CHMP4C: variants seen among roughly 807,000 people sequenced by gnomAD.
CHMP4C encodes SNF7 homolog associated with Alix 3.
A neutral mutation model predicts 29.0 loss-of-function variants in CHMP4C; 28 were observed. That is an observed-to-expected ratio of 0.97 (90% confidence interval 0.72 to 1.32). The LOEUF is 1.32. CHMP4C is among the 40% of genes most tolerant of loss of function. The pLI, the probability that CHMP4C is intolerant of heterozygous loss-of-function variation, is 0.00. For missense variants in CHMP4C, 291 were observed against 281.0 expected, an observed-to-expected ratio of 1.04 and a Z score of -0.25; for synonymous variants, 106 against 102.4, an observed-to-expected ratio of 1.04 and a Z score of -0.21.
chr8:81,740,375 G>T (rs564014284), intron 1 of CHMP4C, among the ~76,000 whole-genome samples: 1 of 152,288 alleles, frequency 6.6e-6, no homozygotes, highest in South Asian at 2.1e-4. Context: ...CTAGATCCTC[G>T]CATGCTCAGT....
chr8:81,739,436 A>C (rs1489121253), intron 1 of CHMP4C, among the ~76,000 whole-genome samples: 6 of 150,086 alleles, frequency 4.0e-5, no homozygotes, highest in Non-Finnish European at 8.9e-5. Context: ...GGTGGAAAAA[A>C]AAAAAGTCTT....
chr8:81,751,660 A>G (rs188861506), intron 1 of CHMP4C, among the ~76,000 whole-genome samples: 12 of 152,240 alleles, frequency 7.9e-5, no homozygotes, highest in African/African-American at 2.6e-4. Flanking sequence ...GAAAGAGAAC[A>G]AAAAGCATAA....
intron 1 of CHMP4C, among the ~76,000 whole-genome samples, chr8:81,740,451 C>T (rs1228153200): frequency 1.3e-5 from 2 of 152,174 alleles, no homozygotes; most frequent in Non-Finnish European, 2.9e-5. Flanking sequence ...AGATGGCGCT[C>T]AGGTGGTAAG....
chr8:81,741,933 A>G (rs2130479907), intron 1 of CHMP4C, among the ~76,000 whole-genome samples: 1 of 152,350 alleles, frequency 6.6e-6, no homozygotes, highest in African/African-American at 2.4e-5. Flanking sequence ...TCTGAATTAA[A>G]TATGAAACAT....
chr8:81,757,830 T>C (rs1048159053), intron 3 of CHMP4C, among the ~76,000 whole-genome samples: 1 of 152,158 alleles, frequency 6.6e-6, no homozygotes, highest in African/African-American at 2.4e-5. Context: ...AAAGAACACA[T>C]TGGAAAGATG....
At chr8:81,742,664 T>C (rs908032849) in intron 1 of CHMP4C, among the ~76,000 whole-genome samples, 1 of 152,222 alleles carries the variant, frequency 6.6e-6, no homozygotes, top group African/African-American at 2.4e-5. Flanking sequence ...CCTTGCTCAC[T>C]TAGCAGTGCT....
intron 3 of CHMP4C, 70 bp downstream of exon 3, chr8:81,755,554 A>G: frequency 1.2e-6 from 1 of 812,646 alleles, no homozygotes; most frequent in Non-Finnish European, 2.1e-6. Context: ...CATATATAGT[A>G]GGCATGTTCC....
At chr8:81,755,123 TA>T (rs1159554132) in intron 2 of CHMP4C, among the ~76,000 whole-genome samples, 1 of 152,168 alleles carries the variant, frequency 6.6e-6, no homozygotes, top group Admixed American at 6.6e-5. Context: ...GTGATAGTTA[TA>T]AAATACTTTT....
chr8:81,754,375 T>C (rs1808945395), intron 2 of CHMP4C, among the ~76,000 whole-genome samples: 1 of 152,092 alleles, frequency 6.6e-6, no homozygotes, highest in African/African-American at 2.4e-5. Context: ...TTTAAAAATA[T>C]ATTTGTTTTA....
chr8:81,733,470 C>T (rs76131890), intron 1 of CHMP4C, among the ~76,000 whole-genome samples: 6,622 of 151,774 alleles, frequency 0.044, 165 homozygotes, highest in South Asian at 0.084. Flanking sequence ...ACGTTGTGGT[C>T]TACCTTGCTC....
intron 1 of CHMP4C, among the ~76,000 whole-genome samples, chr8:81,741,866 C>T (rs1027022118): frequency 2.0e-5 from 3 of 152,078 alleles, no homozygotes; most frequent in African/African-American, 7.2e-5. Flanking sequence ...TTAACAAATA[C>T]ACAGTTAGTT....
In CHMP4C at chr8:81,758,125, C is replaced by T. The variant is rs771504520; in HGVS notation, c.484-17C>T. The T allele has an allele frequency of 1.2e-6, 2 of 1,611,866 alleles. No individual in the cohort carries two copies. The highest frequency in any genetic ancestry group is 1.7e-6 in the Non-Finnish European group (2 of 1,178,612). On this transcript the variant is annotated splice_polypyrimidine_tract_variant and intron_variant, in intron 3 of 4. Coordinates refer to ENST00000297265, the MANE Select transcript of CHMP4C (RefSeq NM_152284.4). Reference sequence around the variant, plus strand: ...TGAAACGTTAACTCCATAATTCTTCCTTTCTCCTGTGTTCAGGATGAGTTG... The same window carrying T: ...TGAAACGTTAACTCCATAATTCTTCTTTTCTCCTGTGTTCAGGATGAGTTG...
intron 2 of CHMP4C, among the ~76,000 whole-genome samples, chr8:81,754,142 T>C (rs1466795876): frequency 6.6e-6 from 1 of 152,110 alleles, no homozygotes; most frequent in African/African-American, 2.4e-5. Flanking sequence ...TAACATTTTC[T>C]TTTCTGAATA....
At chr8:81,737,528 C>T (rs76326214) in intron 1 of CHMP4C, among the ~76,000 whole-genome samples, 2,483 of 152,278 alleles carry the variant, frequency 0.016, 53 homozygotes, top group African/African-American at 0.056. Flanking sequence ...TTATTTTTTG[C>T]TTAAATATAA....
chr8:81,742,846 T>C (rs1808779468), intron 1 of CHMP4C, among the ~76,000 whole-genome samples: 1 of 152,204 alleles, frequency 6.6e-6, no homozygotes, highest in African/African-American at 2.4e-5. Flanking sequence ...AGACCCCGTA[T>C]GTAAGAGCCT....
intron 1 of CHMP4C, among the ~76,000 whole-genome samples, chr8:81,747,780 A>C (rs1170182557): frequency 6.6e-6 from 1 of 152,152 alleles, no homozygotes; most frequent in Non-Finnish European, 1.5e-5. Flanking sequence ...GGGTAATAGA[A>C]TATCACAAGG....
chr8:81,733,448 G>C (rs1179742047), intron 1 of CHMP4C, among the ~76,000 whole-genome samples: 4 of 151,652 alleles, frequency 2.6e-5, no homozygotes. Flanking sequence ...CTTCAGAAAA[G>C]GATATTCTAG....
At chr8:81,747,115 T>A (rs887260369) in intron 1 of CHMP4C, among the ~76,000 whole-genome samples, 3 of 152,160 alleles carry the variant, frequency 2.0e-5, no homozygotes, top group African/African-American at 7.2e-5. Flanking sequence ...GTACTGTTGT[T>A]CTTGTCATGC....
chr8:81,758,311 C>A lies in CHMP4C; in HGVS notation c.637+16C>A, dbSNP rs1259954100. 16 of 1,613,408 alleles carry A rather than the reference C, an allele frequency of 9.9e-6. No homozygotes were observed. The highest frequency in any genetic ancestry group is 1.3e-5 in the Non-Finnish European group (15 of 1,179,616). ...TCCCGAGCAGGTCTGTTACCCAGCT[C>A]AACTACATGTGGTCAGATAGTTGCC... On this transcript the variant is annotated intron_variant, in intron 4 of 4. Transcript: ENST00000297265.
Sources: gnomAD v4.1 joint callset for allele counts (sites outside exome capture counted in the v4.1 genomes callset) on GRCh38, gnomAD v4.1.1 for gene constraint, MANE v1.5 for transcripts, NCBI Gene and HGNC (gene_info 2026-07-23, HGNC 2026-07-21) for gene names.